Variants in MTHFD1L observed in about 807,000 individuals in gnomAD.
MTHFD1L encodes methylenetetrahydrofolate dehydrogenase (NADP+ dependent) 1 like.
A neutral mutation model predicts 119.5 loss-of-function variants in MTHFD1L; 81 were observed. The observed-to-expected ratio is 0.68, with a 90% confidence interval of 0.57 to 0.82. MTHFD1L has a LOEUF of 0.82. Ranked by LOEUF, MTHFD1L falls within the 40% of genes least tolerant of loss-of-function variation. The pLI is 0.00. For synonymous variants in MTHFD1L, 430 were observed against 475.2 expected, an observed-to-expected ratio of 0.90 and a Z score of 1.24; for missense variants, 1,125 against 1,253.4, an observed-to-expected ratio of 0.90 and a Z score of 1.55.
intron 20 of MTHFD1L, among the ~76,000 whole-genome samples, chr6:151,007,617 C>T (rs1173720161): frequency 1.3e-5 from 2 of 152,162 alleles, no homozygotes; most frequent in African/African-American, 2.4e-5. Context: ...TGCAGGACAG[C>T]GCCGCATAAT....
At chr6:150,870,472 T>C (rs1360386434) in intron 1 of MTHFD1L, among the ~76,000 whole-genome samples, 2 of 152,124 alleles carry the variant, frequency 1.3e-5, no homozygotes, top group Non-Finnish European at 2.9e-5. Flanking sequence ...TAAGATATTG[T>C]GGGTTCAGTT....
At chr6:150,939,982 G>C (rs141926605) in intron 13 of MTHFD1L, among the ~76,000 whole-genome samples, 43 of 152,054 alleles carry the variant, frequency 2.8e-4, no homozygotes, top group African/African-American at 9.9e-4. Context: ...ACTGTGCCCA[G>C]CCCTTGCAGA....
Position 150,951,153 on chromosome 6 carries a change from C to T in MTHFD1L, c.1726+2020C>T, listed in dbSNP as rs556576067. On this transcript the variant is annotated intron_variant, in intron 16 of 27. Transcript: ENST00000367321. The stretch of plus-strand genomic sequence containing the variant: ...CCAGGCTCAAGCAATTCTCCTGCCT[C>T]AGCCTCCTGAGTAGCTGGAGGCTGT... Among the ~76,000 whole-genome samples the T allele has an allele frequency of 9.2e-5, 14 of 151,362 alleles. No homozygotes were observed. In the East Asian group the frequency reaches 1.8e-3, roughly 19 times the overall value.
intron 16 of MTHFD1L, 31 bp from the exon 17 acceptor site, chr6:150,955,964 T>G: frequency 6.3e-7 from 1 of 1,580,920 alleles, no homozygotes; most frequent in Non-Finnish European, 8.7e-7. Context: ...TCCATATTTG[T>G]CGACTGAATG....
intron 10 of MTHFD1L, among the ~76,000 whole-genome samples, chr6:150,924,705 T>C (rs1386309077): frequency 6.6e-6 from 1 of 152,050 alleles, no homozygotes; most frequent in Non-Finnish European, 1.5e-5. Flanking sequence ...CTCAAACTCA[T>C]GGACTCAAGT....
chr6:151,031,214 A>G (rs1361169697), intron 24 of MTHFD1L, among the ~76,000 whole-genome samples: 2 of 152,194 alleles, frequency 1.3e-5, no homozygotes, highest in Admixed American at 1.3e-4. Flanking sequence ...ACTGCACTCA[A>G]AACGACTTCC....
intron 7 of MTHFD1L, among the ~76,000 whole-genome samples, chr6:150,904,394 G>A (rs1392520316): frequency 6.6e-6 from 1 of 152,072 alleles, no homozygotes; most frequent in Non-Finnish European, 1.5e-5. Context: ...TGCTGCCTAG[G>A]TTCACTAGAA....
chr6:150,876,808 G>T (rs901159360), intron 2 of MTHFD1L, among the ~76,000 whole-genome samples: 1 of 152,162 alleles, frequency 6.6e-6, no homozygotes, highest in Non-Finnish European at 1.5e-5. Flanking sequence ...CGCAGGGCTT[G>T]GCATGCCCTT....
chr6:151,009,122 C>CAA (rs59189384), intron 20 of MTHFD1L, among the ~76,000 whole-genome samples: 10 of 96,838 alleles, frequency 1.0e-4, no homozygotes, highest in African/African-American at 3.0e-4. Flanking sequence ...AACTCCATCT[C>CAA]AAAAAAAAAA....
At chr6:151,086,022 C>A (rs978299235) in intron 26 of MTHFD1L, among the ~76,000 whole-genome samples, 4 of 152,186 alleles carry the variant, frequency 2.6e-5, no homozygotes, top group African/African-American at 7.2e-5. Flanking sequence ...CCGTTTCGGT[C>A]CTTTGGTACA....
At chr6:150,904,285 G>T (rs1785528833) in intron 7 of MTHFD1L, among the ~76,000 whole-genome samples, 18 of 152,164 alleles carry the variant, frequency 1.2e-4, no homozygotes, top group Admixed American at 1.2e-3. Flanking sequence ...GTTGTAATCT[G>T]CCCCTCTGTC....
At position 151,092,565 on chromosome 6, in the gene MTHFD1L, G is replaced by A. The variant is rs1318758595; in HGVS notation, c.*9G>A. ...TTAAAGGCTTGTTCTAAGTGGACAA[G>A]GCTCTCACAGGACCCGATGCAGGTA... On this transcript the variant is annotated 3_prime_UTR_variant, in exon 27 of 28. Coordinates refer to ENST00000367321, the MANE Select transcript of MTHFD1L (RefSeq NM_015440.5). 21 of 1,609,526 alleles carry A rather than the reference G, an allele frequency of 1.3e-5. No individual in the cohort carries two copies. In the African/African-American group the frequency reaches 2.0e-4, roughly 15 times the overall value.
At chr6:150,923,536 TA>T in intron 10 of MTHFD1L, among the ~76,000 whole-genome samples, 1 of 133,390 alleles carries the variant, frequency 7.5e-6, no homozygotes, top group African/African-American at 3.2e-5. Flanking sequence ...TTTATTTATT[TA>T]TTTTTTCTTT....
chr6:151,025,947 C>T (rs545132692), intron 24 of MTHFD1L, among the ~76,000 whole-genome samples: 9 of 152,208 alleles, frequency 5.9e-5, no homozygotes, highest in African/African-American at 2.2e-4. Context: ...GCCCCTACTA[C>T]GTTATAAAGC....
chr6:150,898,242 A>G (rs536998481), intron 7 of MTHFD1L, among the ~76,000 whole-genome samples: 4 of 152,258 alleles, frequency 2.6e-5, no homozygotes, highest in African/African-American at 9.6e-5. Context: ...CTTTTCATAT[A>G]TGCCTCGCAC....
chr6:151,007,420 T>C (rs1327384952), intron 20 of MTHFD1L, among the ~76,000 whole-genome samples: 6 of 151,466 alleles, frequency 4.0e-5, no homozygotes, highest in African/African-American at 1.2e-4. Context: ...ATATGATTTT[T>C]AGCAAGTGGG....
chr6:150,930,672 A>G (rs1352701059), intron 11 of MTHFD1L, among the ~76,000 whole-genome samples: 1 of 152,022 alleles, frequency 6.6e-6, no homozygotes, highest in East Asian at 1.9e-4. Flanking sequence ...GAAGAATTCA[A>G]ATACCCAAGT....
intron 21 of MTHFD1L, among the ~76,000 whole-genome samples, chr6:151,011,438 G>A (rs148652829): frequency 3.1e-4 from 46 of 150,238 alleles, no homozygotes; most frequent in African/African-American, 1.0e-3. Context: ...TCTTTATAAA[G>A]AGAAAATCTC....
chr6:151,006,773 G>A (rs505206), intron 20 of MTHFD1L, among the ~76,000 whole-genome samples: 18,596 of 151,942 alleles, frequency 0.12, 2,054 homozygotes, highest in African/African-American at 0.29. Context: ...CACATGGTCC[G>A]TATCATCATG....
Sources: gnomAD v4.1 joint callset for allele counts (sites outside exome capture counted in the v4.1 genomes callset) on GRCh38, gnomAD v4.1.1 for gene constraint, MANE v1.5 for transcripts, NCBI Gene and HGNC (gene_info 2026-07-23, HGNC 2026-07-21) for gene names.